The following DPP6 variants were observed in gnomAD, a reference collection of about 807,000 sequenced individuals.
DPP6 encodes A-type potassium channel modulatory protein DPP6.
In DPP6, 69 loss-of-function variants were observed where a neutral mutation model predicts 122.6. That is an observed-to-expected ratio of 0.56 (90% confidence interval 0.46 to 0.69). The LOEUF (loss-of-function observed/expected upper bound fraction) is 0.69, where lower values mean the gene tolerates loss of function less well. Ranked by LOEUF, DPP6 falls within the 30% of genes least tolerant of loss-of-function variation. DPP6 has a pLI of 0.00. For synonymous variants in DPP6, 418 were observed against 433.1 expected (o/e 0.97, Z 0.43); for missense variants, 928 against 1,116.9 (o/e 0.83, Z 2.41).
chr7:154,406,429 GCA>G (rs10610650), intron 1 of DPP6, among the ~76,000 whole-genome samples: 99,598 of 149,586 alleles, frequency 0.67, 33,262 homozygotes, highest in Middle Eastern at 0.75. Context: ...ACACACGCAT[GCA>G]CACACACACA....
At chr7:154,018,027 ATCTGTATGGCCCTG>A (rs1312213510) in intron 1 of DPP6, among the ~76,000 whole-genome samples, 3 of 152,160 alleles carry the variant, frequency 2.0e-5, no homozygotes, top group African/African-American at 7.2e-5. Context: ...GGAACACCTG[ATCTGTATGGCCCTG>A]TCATTATTAT....
At chr7:154,686,830 T>C (rs1839640388) in intron 7 of DPP6, among the ~76,000 whole-genome samples, 1 of 152,162 alleles carries the variant, frequency 6.6e-6, no homozygotes, top group African/African-American at 2.4e-5. Context: ...ATGAAATATT[T>C]TATGAATAAA....
chr7:154,876,288 G>A (rs1272056484), intron 20 of DPP6, 188 bp downstream of exon 20: 3 of 1,065,028 alleles, frequency 2.8e-6, no homozygotes, highest in Non-Finnish European at 3.7e-6. Flanking sequence ...TTCTCCTAGG[G>A]ACATTTATAA....
intron 5 of DPP6, among the ~76,000 whole-genome samples, chr7:154,621,882 G>C (rs942243977): frequency 6.6e-6 from 1 of 152,104 alleles, no homozygotes; most frequent in Admixed American, 6.6e-5. Context: ...TAGAATGTCT[G>C]GGAAAAGAGG....
intron 5 of DPP6, among the ~76,000 whole-genome samples, chr7:154,637,256 T>C (rs1835784621): frequency 6.6e-6 from 1 of 152,226 alleles, no homozygotes; most frequent in Non-Finnish European, 1.5e-5. Context: ...GCCGTGATAC[T>C]TCCAACTGCC....
In DPP6 at chr7:153,924,563, T is replaced by C. The variant is rs1158251083; in HGVS notation, c.51+36829T>C. On this transcript the variant is annotated intron_variant, in intron 1 of 25. Coordinates refer to the DPP6 transcript ENST00000404039. Reference sequence around the variant, plus strand: ...TATTCAATCTTTTAACTCTCCCCTTTTCTAGAGCTTTCCTTCTGCTTTCTG... The same window carrying C: ...TATTCAATCTTTTAACTCTCCCCTTCTCTAGAGCTTTCCTTCTGCTTTCTG... 4.6e-5 allele frequency among the ~76,000 whole-genome samples: 7 copies of C among 152,234 alleles called. No individual in the cohort carries two copies. In the East Asian group the frequency reaches 1.3e-3, roughly 29 times the overall value.
At chr7:154,137,644 G>A (rs1278901600) in intron 1 of DPP6, among the ~76,000 whole-genome samples, 3 of 51,246 alleles carry the variant, frequency 5.9e-5, no homozygotes, top group Admixed American at 2.8e-4. Context: ...GAGATGGTGG[G>A]GGGGGTGGGG....
intron 1 of DPP6, among the ~76,000 whole-genome samples, chr7:154,441,703 A>G (rs975014488): frequency 1.3e-5 from 2 of 152,164 alleles, no homozygotes; most frequent in African/African-American, 4.8e-5. Context: ...GCTGGGGAGA[A>G]AATTAAAGCG....
intron 1 of DPP6, among the ~76,000 whole-genome samples, chr7:154,306,328 C>G (rs1017285185): frequency 1.3e-5 from 2 of 152,190 alleles, no homozygotes; most frequent in African/African-American, 4.8e-5. Context: ...CATCGTAATT[C>G]CCTCCTTGGA....
chr7:153,771,728 A>T, the DPP6 span, among the ~76,000 whole-genome samples: 336 of 152,310 alleles, frequency 2.2e-3, no homozygotes, highest in Middle Eastern at 0.01. Flanking sequence ...AAAATGAAGG[A>T]GAAATAAAGA....
rs11381417 is a variant in DPP6 at position 154,045,201 on chromosome 7, T to TAAA, written c.51+157479_51+157481dup. Among the ~76,000 whole-genome samples, 117 of 141,404 alleles carry TAAA rather than the reference T, an allele frequency of 8.3e-4. 1 individual carries two copies. Among genetic ancestry groups the TAAA allele is most frequent in the East Asian group, 4.0e-3 (20 of 4,962 alleles). The allele number at this position is 141,404 out of a possible 152,430, so 92.8% of individuals were successfully genotyped here. A position where few individuals can be genotyped will look rare whatever the true frequency, so the allele number is the denominator to read the frequency against. ...ATTCTGAATAAAGTCTTAGAAAAGA[T>TAAA]AAAAAAAAAAAAAACACTCCCTCCC... is the stretch of plus-strand genomic sequence containing the variant. On this transcript the variant is annotated intron_variant, in intron 1 of 25. Coordinates refer to the DPP6 transcript ENST00000404039.
At chr7:153,790,327 T>A in the DPP6 span, among the ~76,000 whole-genome samples, 286 of 149,344 alleles carry the variant, frequency 1.9e-3, 3 homozygotes, top group African/African-American at 6.7e-3. Flanking sequence ...AAATAACTAC[T>A]AAATGAACAA....
At chr7:154,750,678 G>A (rs914833377) in intron 8 of DPP6, among the ~76,000 whole-genome samples, 22 of 152,190 alleles carry the variant, frequency 1.4e-4, no homozygotes, top group Admixed American at 1.4e-3. Context: ...AACAGATATA[G>A]AATGCCTTCA....
upstream of DPP6, among the ~76,000 whole-genome samples, chr7:154,047,437 T>G (rs1458138449): frequency 1.3e-5 from 2 of 149,816 alleles, no homozygotes; most frequent in East Asian, 3.9e-4. Context: ...ATATCTCGTT[T>G]AATCTAATAC....
At chr7:154,781,374 C>A (rs1046144026) in intron 10 of DPP6, among the ~76,000 whole-genome samples, 3 of 152,132 alleles carry the variant, frequency 2.0e-5, no homozygotes, top group Non-Finnish European at 4.4e-5. Flanking sequence ...TCTCTGTGAC[C>A]CCCTCTCACT....
At chr7:154,740,383 C>A (rs1446889328) in intron 8 of DPP6, among the ~76,000 whole-genome samples, 1 of 151,722 alleles carries the variant, frequency 6.6e-6, no homozygotes, top group Admixed American at 6.6e-5. Context: ...AAAATGCAAG[C>A]TGCAAATGCC....
chr7:153,851,235 T>C, the DPP6 span, among the ~76,000 whole-genome samples: 1 of 152,150 alleles, frequency 6.6e-6, no homozygotes, highest in African/African-American at 2.4e-5. Context: ...ATTTAAAAAA[T>C]GTAAACATAA....
intron 3 of DPP6, among the ~76,000 whole-genome samples, chr7:154,511,253 C>T (rs1826073075): frequency 6.6e-6 from 1 of 152,032 alleles, no homozygotes; most frequent in South Asian, 2.1e-4. Context: ...ATCTAGCATG[C>T]ATTATCTCTT....
At chr7:153,876,382 T>A in the DPP6 span, among the ~76,000 whole-genome samples, 4 of 126,264 alleles carry the variant, frequency 3.2e-5, no homozygotes, top group East Asian at 9.5e-4. Flanking sequence ...TTGCCCAAAT[T>A]GACCGTATGT....
Sources: allele counts gnomAD v4.1 joint callset (sites outside exome capture counted in the v4.1 genomes callset), GRCh38; gene constraint gnomAD v4.1.1; transcripts MANE v1.5; gene names NCBI Gene and HGNC (gene_info 2026-07-23, HGNC 2026-07-21).